BRIP1: variants seen among roughly 807,000 people sequenced by gnomAD.
BRIP1 encodes Fanconi anemia group J protein.
BRIP1 carries 88 observed loss-of-function variants against 119.7 expected under a neutral mutation model. The ratio of observed to expected loss-of-function variants is 0.74; its 90% CI spans 0.62 to 0.88. The LOEUF (loss-of-function observed/expected upper bound fraction) is 0.88, where lower values mean the gene tolerates loss of function less well. BRIP1 is among the 40% of genes least tolerant of loss of function. The probability of loss-of-function intolerance (pLI) is 0.00; values close to 1 mark genes in which losing one functional copy is unlikely to be tolerated. For synonymous variants in BRIP1, 443 were observed against 496.5 expected (o/e 0.89, Z 1.43); for missense variants, 1,259 against 1,455.4 (o/e 0.87, Z 2.20).
At chr17:61,771,442 T>C (rs1033609343) in intron 14 of BRIP1, among the ~76,000 whole-genome samples, 8 of 152,188 alleles carry the variant, frequency 5.3e-5, no homozygotes, top group Non-Finnish European at 5.9e-5. Flanking sequence ...GAATTACTAA[T>C]AAGCACATGA....
At chr17:61,829,988 A>T (rs1227270986) in intron 6 of BRIP1, among the ~76,000 whole-genome samples, 1 of 151,432 alleles carries the variant, frequency 6.6e-6, no homozygotes, top group Non-Finnish European at 1.5e-5. Context: ...GCTTGAGTGC[A>T]ATGGCACGAT....
rs538431887 is a variant in BRIP1 at position 61,796,331 on chromosome 17, G to A, written c.1341-2602C>T. 3.9e-5 allele frequency among the ~76,000 whole-genome samples: 6 copies of A among 152,186 alleles called. No individual in the cohort carries two copies. In the South Asian group the frequency reaches 1.0e-3, roughly 26 times the overall value. On this transcript the variant is annotated intron_variant, in intron 9 of 19. Transcript: ENST00000259008. The surrounding 1 kb of genome is among the most constrained non-coding windows in gnomAD (Gnocchi z 4.8). ...GTATTGCTCAAGAAGTTGTTCCCCA[G>A]ACCGATGTCCTGGAGAGTTTTTCCA... is the stretch of plus-strand genomic sequence containing the variant.
chr17:61,823,154 T>A lies in BRIP1; in HGVS notation c.628-14397A>T, dbSNP rs1436527895. ...GAATGAAACGTTAACCTTGCACAAGTAATGCAACATCTGGCTTATAGTAGT... is the reference window on the plus strand; with the variant it reads ...GAATGAAACGTTAACCTTGCACAAGAAATGCAACATCTGGCTTATAGTAGT... On this transcript the variant is annotated intron_variant, in intron 6 of 19. Coordinates refer to ENST00000259008, the MANE Select transcript of BRIP1 (RefSeq NM_032043.3). This position sits in a 1 kb window ranked among gnomAD's most constrained non-coding sequence, Gnocchi z 4.8. Among the ~76,000 whole-genome samples the A allele has an allele frequency of 6.6e-6, 1 of 152,212 alleles. No individual in the cohort carries two copies. Among genetic ancestry groups the A allele is most frequent in the African/African-American group, 2.4e-5 (1 of 41,456 alleles).
At chr17:61,811,269 G>A (rs2078157003) in intron 6 of BRIP1, among the ~76,000 whole-genome samples, 1 of 151,792 alleles carries the variant, frequency 6.6e-6, no homozygotes, top group Admixed American at 6.6e-5. Flanking sequence ...TTTTTGCCCA[G>A]GCTGGAGTGC....
At chr17:61,719,708 G>A (rs1486723107) in intron 16 of BRIP1, among the ~76,000 whole-genome samples, 1 of 149,948 alleles carries the variant, frequency 6.7e-6, no homozygotes, top group Non-Finnish European at 1.5e-5. Context: ...CTGGGTGACA[G>A]AGTGAGACTC....
In BRIP1 at chr17:61,821,693, C is replaced by T. The variant is rs998800202; in HGVS notation, c.628-12936G>A. 2.6e-5 allele frequency among the ~76,000 whole-genome samples: 4 copies of T among 152,042 alleles called. No individual in the cohort carries two copies. The East Asian group carries it at 7.7e-4, about 29-fold the overall frequency. On this transcript the variant is annotated intron_variant, in intron 6 of 19. Transcript: ENST00000259008. ...TATAGGCACATGCTACCACGCCTGG[C>T]TACTTTTTGCATTTTTTGTCTTTTT...
intron 16 of BRIP1, among the ~76,000 whole-genome samples, chr17:61,716,479 T>A (rs990373420): frequency 2.0e-5 from 3 of 152,108 alleles, no homozygotes; most frequent in African/African-American, 7.2e-5. Flanking sequence ...CTGCTTTCTG[T>A]TTTGCCCTTT....
chr17:61,765,084 T>C (rs115315190), intron 14 of BRIP1, among the ~76,000 whole-genome samples: 486 of 151,854 alleles, frequency 3.2e-3, no homozygotes, highest in African/African-American at 0.011. Flanking sequence ...AGAAGGCCCT[T>C]ACTAGATGCT....
At position 61,693,476 on chromosome 17, in the gene BRIP1, A is replaced by C. The variant is rs1281537935; in HGVS notation, c.2529T>G (p.Ile843Met). 6.2e-7 allele frequency: 1 copy of C among 1,613,732 alleles called. No homozygotes were observed. The highest frequency in any genetic ancestry group is 2.2e-5 in the East Asian group (1 of 44,838). Residue 843 changes from isoleucine (I) to methionine (M), a missense_variant, in exon 18 of 20, where the codon ATT becomes ATG. Ile to Met is a conservative substitution (Grantham distance 10). Around this residue, in one of 3 missense-constraint regions of BRIP1, gnomAD observed 753 missense variants for 891.8 expected, o/e 0.84. Coordinates refer to ENST00000259008, the MANE Select transcript of BRIP1 (RefSeq NM_032043.3). This position sits in a 1 kb window ranked among gnomAD's most constrained non-coding sequence, Gnocchi z 4.2. The stretch of plus-strand genomic sequence containing the variant: ...TATTCCTAAAGCGATCATCCACTAG[A>C]ATAAGAGCTCCCCAATCATTTCTGT... Reference protein sequence around the residue: ...IRHRNDWGALILVDDRFRNNP... With the variant: ...IRHRNDWGALMLVDDRFRNNP...
Position 61,806,686 on chromosome 17 carries a change from T to C in BRIP1, c.918+1781A>G, listed in dbSNP as rs1260626650. On this transcript the variant is annotated intron_variant, in intron 7 of 19. Transcript: ENST00000259008. This position sits in a 1 kb window ranked among gnomAD's most constrained non-coding sequence, Gnocchi z 4.9. ...TGCTTTTACCAATGTATTTTACCAATGTATGTTTTTGGTTGGTTGGTTGTT... is the reference window on the plus strand; with the variant it reads ...TGCTTTTACCAATGTATTTTACCAACGTATGTTTTTGGTTGGTTGGTTGTT... Among the ~76,000 whole-genome samples the C allele has an allele frequency of 1.3e-5, 1 of 74,508 alleles. No homozygotes were observed. The highest frequency in any genetic ancestry group is 2.6e-5 in the Non-Finnish European group (1 of 38,414). The allele number at this position is 74,508 out of a possible 152,430, so 48.9% of individuals were successfully genotyped here. A position where few individuals can be genotyped will look rare whatever the true frequency, so the allele number is the denominator to read the frequency against.
chr17:61,716,139 A>C (rs2061858858), intron 16 of BRIP1, 76 bp from the exon 17 acceptor site: 1 of 899,774 alleles, frequency 1.1e-6, no homozygotes, highest in Non-Finnish European at 1.7e-6. Flanking sequence ...AACTTCTAAC[A>C]GTTTGAATAT....
Position 61,852,848 on chromosome 17 carries a change from C to T in BRIP1, c.380-3592G>A, listed in dbSNP as rs1476081138. On this transcript the variant is annotated intron_variant, in intron 4 of 19. Coordinates refer to ENST00000259008, the MANE Select transcript of BRIP1 (RefSeq NM_032043.3). The surrounding 1 kb of genome is among the most constrained non-coding windows in gnomAD (Gnocchi z 4.9). ...TTAAACTATAAATATCAAGTACTAA[C>T]AAAAATGGTGAACAACTTTCATATA... Among the ~76,000 whole-genome samples the T allele has an allele frequency of 2.0e-5, 3 of 152,118 alleles. No individual in the cohort carries two copies. The highest frequency in any genetic ancestry group is 7.2e-5 in the African/African-American group (3 of 41,502).
rs1055004360 is a variant in BRIP1, at chr17:61,853,823, C to T, written c.379+3235G>A. Among the ~76,000 whole-genome samples the T allele has an allele frequency of 1.3e-5, 2 of 152,048 alleles. No homozygotes were observed. The highest frequency in any genetic ancestry group is 4.8e-5 in the African/African-American group (2 of 41,382). On this transcript the variant is annotated intron_variant, in intron 4 of 19. Coordinates refer to ENST00000259008, the MANE Select transcript of BRIP1 (RefSeq NM_032043.3). The surrounding 1 kb of genome is among the most constrained non-coding windows in gnomAD (Gnocchi z 4.3). Reference sequence around the variant, plus strand: ...TTGTATTCAAAATGTTTAAAGAAGTCTCAAAATTTAACAGTAAGAACACAA... The same window carrying T: ...TTGTATTCAAAATGTTTAAAGAAGTTTCAAAATTTAACAGTAAGAACACAA...
At chr17:61,812,302 A>T (rs1230959616) in intron 6 of BRIP1, among the ~76,000 whole-genome samples, 1 of 152,156 alleles carries the variant, frequency 6.6e-6, no homozygotes, top group Non-Finnish European at 1.5e-5. Context: ...TTATCTTTCA[A>T]AAAGACTTTT....
At position 61,857,105 on chromosome 17, in the gene BRIP1, G is replaced by T. The variant is rs201790351; in HGVS notation, c.332C>A (p.Pro111Gln). 10 of 1,614,056 alleles carry T rather than the reference G, an allele frequency of 6.2e-6. No individual in the cohort carries two copies. Among genetic ancestry groups the T allele is most frequent in the African/African-American group, 4.0e-5 (3 of 75,038 alleles). The change falls in exon 4 of 20, where the codon CCA becomes CAA. Residue 111 changes from proline to glutamine, a missense_variant. Coordinates refer to ENST00000259008, the MANE Select transcript of BRIP1 (RefSeq NM_032043.3). This position sits in a 1 kb window ranked among gnomAD's most constrained non-coding sequence, Gnocchi z 5.1. ...ATTTCTTTCAGAAGGTGGTGTGCTT[G>T]GATAGTTGAAATGACGTGAAGTTCC... ...NQGTSRHFNYPSTPPSERNGT... is the reference protein window; with the variant it reads ...NQGTSRHFNYQSTPPSERNGT...
rs553804743 is a variant in BRIP1, at chr17:61,799,517, A to G, written c.1141-218T>C. On this transcript the variant is annotated intron_variant, in intron 8 of 19. Coordinates refer to ENST00000259008, the MANE Select transcript of BRIP1 (RefSeq NM_032043.3). The surrounding 1 kb of genome is among the most constrained non-coding windows in gnomAD (Gnocchi z 5.1). Reference sequence around the variant, plus strand: ...GTGTTTGCCATTTTTTTACTCTTAAAATACTTTGCAAACCTATCGACAGCA... The same window carrying G: ...GTGTTTGCCATTTTTTTACTCTTAAGATACTTTGCAAACCTATCGACAGCA... Among the ~76,000 whole-genome samples the G allele has an allele frequency of 6.6e-6, 1 of 152,240 alleles. No individual in the cohort carries two copies. The highest frequency in any genetic ancestry group is 2.1e-4 in the South Asian group (1 of 4,824).
rs562433760 is a variant in BRIP1, at chr17:61,859,038, G to A, written c.205+758C>T. Among the ~76,000 whole-genome samples, 10 of 143,842 alleles carry A rather than the reference G, an allele frequency of 7.0e-5. No individual in the cohort carries two copies. The South Asian group carries it at 2.2e-3, about 32-fold the overall frequency. 94.4% of individuals were successfully genotyped at this position (143,842 alleles called of 152,430 possible). A position where few individuals can be genotyped will look rare whatever the true frequency, so the allele number is the denominator to read the frequency against. On this transcript the variant is annotated intron_variant, in intron 3 of 19. Coordinates refer to ENST00000259008, the MANE Select transcript of BRIP1 (RefSeq NM_032043.3). The stretch of plus-strand genomic sequence containing the variant: ...ATCACATCACTATGCTCCATCCCAG[G>A]TGACGCCACTCAAAAAAAAAAAAAA...
intron 6 of BRIP1, among the ~76,000 whole-genome samples, chr17:61,812,630 G>C (rs2078179906): frequency 6.6e-6 from 1 of 151,320 alleles, no homozygotes. Flanking sequence ...AGATACATGT[G>C]GATGTGACAG....
chr17:61,793,698 C>A lies in BRIP1; in HGVS notation c.1372G>T (p.Glu458Ter), dbSNP rs587780228. 22 of 1,610,390 alleles carry A rather than the reference C, an allele frequency of 1.4e-5. No homozygotes were observed. The highest frequency in any genetic ancestry group is 4.0e-5 in the African/African-American group (3 of 74,868). ...WLEANAEYLV[E>*]RDYESACKIW... ...TTACAAGCTGATTCATAATCTCTTTCTACAAGATATTCAGCGTTTGCTTCT... is the reference window on the plus strand; with the variant it reads ...TTACAAGCTGATTCATAATCTCTTTATACAAGATATTCAGCGTTTGCTTCT... Residue 458 changes from glutamate (E) to a stop codon, truncating the protein, a stop_gained, in exon 10 of 20, where the codon GAA becomes TAA. Coordinates refer to ENST00000259008, the MANE Select transcript of BRIP1 (RefSeq NM_032043.3). LOFTEE classifies it high-confidence loss of function. The surrounding 1 kb of genome is among the most constrained non-coding windows in gnomAD (Gnocchi z 5.2).
Sources: allele counts gnomAD v4.1 joint callset (sites outside exome capture counted in the v4.1 genomes callset), GRCh38; gene constraint gnomAD v4.1.1; regional missense constraint gnomAD v4.1.1; non-coding constraint Gnocchi (gnomAD v3.1); transcripts MANE v1.5; gene names NCBI Gene and HGNC (gene_info 2026-07-23, HGNC 2026-07-21).